The following PKP3 variants were observed in gnomAD, a reference collection of about 807,000 sequenced individuals.
PKP3 encodes the protein plakophilin 3.
Under a neutral mutation model 76.5 loss-of-function variants are expected in PKP3, and 66 were observed. The observed-to-expected ratio is 0.86, with a 90% CI of 0.71 to 1.06. The LOEUF (loss-of-function observed/expected upper bound fraction) is 1.06, where lower values mean the gene tolerates loss of function less well. Ranked by LOEUF, PKP3 falls within the 50% of genes least tolerant of loss-of-function variation. The pLI is 0.00. For synonymous variants in PKP3, 638 were observed against 516.5 expected, an observed-to-expected ratio of 1.24 and a Z score of -3.19; for missense variants, 1,338 against 1,141.0, an observed-to-expected ratio of 1.17 and a Z score of -2.49.
Position 396,830 on chromosome 11 carries a change from C to T in PKP3, c.329C>T (p.Ala110Val), listed in dbSNP as rs1271166520. The T allele has an allele frequency of 6.3e-7, 1 of 1,591,390 alleles. No individual in the cohort carries two copies. Among genetic ancestry groups the T allele is most frequent in the Admixed American group, 1.7e-5 (1 of 58,696 alleles). Residue 110 changes from alanine to valine, a missense_variant, in exon 3 of 13, where the codon GCC becomes GTC. Ala to Val is a moderately conservative substitution (Grantham distance 64). Transcript: ENST00000331563. ...GDKTSGFRPI[A>V]KPAYSPASWS... The stretch of plus-strand genomic sequence containing the variant: ...GACCCACAGGGCTTCCGGCCCATCG[C>T]CAAGCCGGCCTACAGCCCAGCCTCC...
At position 400,365 on chromosome 11, in the gene PKP3, C is replaced by T. The variant is rs990860292; in HGVS notation, c.1480C>T (p.Gln494Ter). 5 of 1,549,578 alleles carry T rather than the reference C, an allele frequency of 3.2e-6. No homozygotes were observed. The highest frequency in any genetic ancestry group is 3.5e-6 in the Non-Finnish European group (4 of 1,146,560). Residue 494 changes from glutamine (Q) to a stop codon, truncating the protein, a stop_gained, in exon 7 of 13, where the codon CAG becomes TAG. Coordinates refer to ENST00000331563, the MANE Select transcript of PKP3 (RefSeq NM_007183.4). LOFTEE classifies it high-confidence loss of function. Reference sequence around the variant, plus strand: ...CAGCTCAGCCTCTCAGGCCACTCGCCAGAAGATGCGGGAGTGCCACGGGCT... The same window carrying T: ...CAGCTCAGCCTCTCAGGCCACTCGCTAGAAGATGCGGGAGTGCCACGGGCT... ...NLSSASQATR[Q>*]KMRECHGLVD...
chr11:399,159 G>A lies in PKP3; in HGVS notation c.1236G>A (p.Leu412=). ...GGATCTTCGAGCTGCTGCGGACACT[G>A]CGGGAGCAGGATGATGAGCTTCGCA... ...ENGIFELLRT[L]REQDDELRKN... The change falls in exon 5 of 13, where the codon CTG becomes CTA. Residue 412 remains leucine (L), a synonymous_variant. Transcript: ENST00000331563. 6.2e-7 allele frequency: 1 copy of A among 1,609,088 alleles called. No homozygotes were observed. Among genetic ancestry groups the A allele is most frequent in the Non-Finnish European group, 8.5e-7 (1 of 1,177,940 alleles).
At chr11:395,969 C>T (rs1282327632) in intron 1 of PKP3, among the ~76,000 whole-genome samples, 1 of 152,176 alleles carries the variant, frequency 6.6e-6, no homozygotes, top group Non-Finnish European at 1.5e-5. Flanking sequence ...CATCCTCCTC[C>T]TGCCTGTCCC....
chr11:397,468 G>C, intron 3 of PKP3, 23 bp downstream of exon 3: 1 of 1,611,920 alleles, frequency 6.2e-7, no homozygotes, highest in Non-Finnish European at 8.5e-7. Flanking sequence ...GCCCGGCTCA[G>C]GGAGGGGGCT....
intron 6 of PKP3, 91 bp downstream of exon 6, chr11:400,232 C>G: frequency 7.1e-7 from 1 of 1,407,862 alleles, no homozygotes; most frequent in Non-Finnish European, 9.6e-7. Flanking sequence ...CCACACACCG[C>G]ACGCCTCGCG....
In PKP3 at chr11:394,219, C is replaced by T; in HGVS notation, c.-74C>T. On this transcript the variant is annotated 5_prime_UTR_variant, in exon 1 of 13. Transcript: ENST00000331563. ...CTGGGCGGGGACTTCAGGGAGAGGG[C>T]CTCGAGGGACAGGACGTGAAGATAG... 3 of 1,405,644 alleles carry T rather than the reference C, an allele frequency of 2.1e-6. No homozygotes were observed. The highest frequency in any genetic ancestry group is 2.8e-6 in the Non-Finnish European group (3 of 1,084,028). The allele number at this position is 1,405,644 out of a possible 1,614,324, so 87.1% of individuals were successfully genotyped here. A position where few individuals can be genotyped will look rare whatever the true frequency, so the allele number is the denominator to read the frequency against.
rs1200846802 is a variant in PKP3, at chr11:403,714, T to C, written c.2020T>C (p.Ser674Pro). The C allele has an allele frequency of 5.0e-6, 8 of 1,610,084 alleles. No individual in the cohort carries two copies. The highest frequency in any genetic ancestry group is 1.1e-5 in the South Asian group (1 of 91,082). The change falls in exon 10 of 13, where the codon TCA becomes CCA. Residue 674 changes from serine to proline, a missense_variant. By Grantham distance (74) the Ser-to-Pro change is moderately conservative. Coordinates refer to ENST00000331563, the MANE Select transcript of PKP3 (RefSeq NM_007183.4). ...GACCGCCGACCACCACCAGCTGCGCTCACTGACTGGCCTCATCCGAAACCT... is the reference window on the plus strand; with the variant it reads ...GACCGCCGACCACCACCAGCTGCGCCCACTGACTGGCCTCATCCGAAACCT... ...VRTADHHQLR[S>P]LTGLIRNLSR...
rs376449355 is a variant in PKP3 at position 396,829 on chromosome 11, G to A, written c.328G>A (p.Ala110Thr). The A allele has an allele frequency of 3.9e-5, 62 of 1,589,182 alleles. No homozygotes were observed. The highest frequency in any genetic ancestry group is 6.8e-5 in the Admixed American group (4 of 58,508). ...CGACCCACAGGGCTTCCGGCCCATC[G>A]CCAAGCCGGCCTACAGCCCAGCCTC... ...GDKTSGFRPIAKPAYSPASWS... is the reference protein window; with the variant it reads ...GDKTSGFRPITKPAYSPASWS... The change falls in exon 3 of 13, where the codon GCC (alanine) becomes ACC (threonine). Residue 110 changes from alanine to threonine, a missense_variant. Coordinates refer to ENST00000331563, the MANE Select transcript of PKP3 (RefSeq NM_007183.4).
chr11:393,452 G>A (rs1847002027), upstream of PKP3: 1 of 152,134 alleles, frequency 6.6e-6, no homozygotes, highest in African/African-American at 2.4e-5. Context: ...CCCAGGGCCT[G>A]GGGTGCAGGA....
At position 399,106 on chromosome 11, in the gene PKP3, A is replaced by G; in HGVS notation, c.1183A>G (p.Asn395Asp). 1 of 1,612,016 alleles carries G rather than the reference A, an allele frequency of 6.2e-7. No homozygotes were observed. ...CAACCTCATCTACGACAACGCTGAC[A>G]ACAAGCTGGCCCTGGTGGAGGAGAA... The part of the protein sequence containing the change: ...MRNLIYDNAD[N>D]KLALVEENGI... Residue 395 changes from asparagine (N) to aspartate (D), a missense_variant, in exon 5 of 13, where the codon AAC (asparagine) becomes GAC (aspartate). Coordinates refer to ENST00000331563, the MANE Select transcript of PKP3 (RefSeq NM_007183.4).
rs1023914954 is a variant in PKP3 at position 400,642 on chromosome 11, G to A, written c.1674G>A (p.Leu558=). 3.1e-5 allele frequency: 43 copies of A among 1,375,448 alleles called. No individual in the cohort carries two copies. In the African/African-American group the frequency reaches 5.9e-4, roughly 19 times the overall value. 85.2% of individuals were successfully genotyped at this position (1,375,448 alleles called of 1,614,324 possible). Residue 558 remains leucine, a synonymous_variant, in exon 8 of 13, where the codon CTG becomes CTA. Transcript: ENST00000331563. ...QRLEGRGRRD[L]AGAPPGEVVG... ...TGGAGGGTCGCGGCCGCAGGGACCT[G>A]GCGGGGGCGCCGCCGGGAGAGGTCG...
rs566793159 is a variant in PKP3, at chr11:404,475, C to T, written c.2359-59C>T. Reference sequence around the variant, plus strand: ...ACCCAGCACACTGCAGGAGGGACAGCGGGCAGAGGGCCACATGGGCAGACA... The same window carrying T: ...ACCCAGCACACTGCAGGAGGGACAGTGGGCAGAGGGCCACATGGGCAGACA... On this transcript the variant is annotated intron_variant, in intron 12 of 12. Coordinates refer to ENST00000331563, the MANE Select transcript of PKP3 (RefSeq NM_007183.4). The surrounding 1 kb of genome is among the most constrained non-coding windows in gnomAD (Gnocchi z 4.2). 8.3e-6 allele frequency: 13 copies of T among 1,571,672 alleles called. No homozygotes were observed. Among genetic ancestry groups the T allele is most frequent in the South Asian group, 6.6e-5 (6 of 90,244 alleles).
In PKP3 at chr11:398,816, G is replaced by T. The variant is rs35926436; in HGVS notation, c.1069-176G>T. ...CCCCGCACACACCTGCGTCACCTCC[G>T]TACCCCCGCACACACCTCCGTCACC... On this transcript the variant is annotated intron_variant, in intron 4 of 12. Transcript: ENST00000331563. 5.2e-3 allele frequency among the ~76,000 whole-genome samples: 324 copies of T among 62,144 alleles called. 1 individual carries two copies. Among genetic ancestry groups the T allele is most frequent in the Middle Eastern group, 0.011 (1 of 88 alleles). The allele number at this position is 62,144 out of a possible 152,430, so 40.8% of individuals were successfully genotyped here.
Position 404,762 on chromosome 11 carries a change from C to T in PKP3, c.*193C>T, listed in dbSNP as rs938749724. 30 of 597,772 alleles carry T rather than the reference C, an allele frequency of 5.0e-5. No individual in the cohort carries two copies. Among genetic ancestry groups the T allele is most frequent in the South Asian group, 2.4e-4 (12 of 50,930 alleles). 37.0% of individuals were successfully genotyped at this position (597,772 alleles called of 1,614,324 possible). On this transcript the variant is annotated 3_prime_UTR_variant, in exon 13 of 13. Transcript: ENST00000331563. The surrounding 1 kb of genome is among the most constrained non-coding windows in gnomAD (Gnocchi z 4.2). ...GTCTTATAGCTGGGGACTTGGCTTC[C>T]GCAGGGCAGGGGGTGGGGCAGGGCT...
chr11:398,816 G>GTACCCCCGCACACACCTGCGTCACCTCCC (rs1847097659), intron 4 of PKP3, among the ~76,000 whole-genome samples, 176 bp from the exon 5 acceptor site: 1 of 62,102 alleles, frequency 1.6e-5, no homozygotes, highest in Non-Finnish European at 3.2e-5. Flanking sequence ...CGTCACCTCC[G>GTACCCCCGCACACACCTGCGTCACCTCCC]TACCCCCGCA....
intron 4 of PKP3, 149 bp downstream of exon 4, chr11:397,811 G>A: frequency 1.4e-6 from 1 of 731,720 alleles, no homozygotes; most frequent in Non-Finnish European, 2.2e-6. Context: ...CCTCAGCAGA[G>A]GAAGAGCAGA....
rs915699557 is a variant in PKP3 at position 403,345 on chromosome 11, G to A, written c.1923+82G>A. 6.1e-6 allele frequency: 7 copies of A among 1,156,522 alleles called. No individual in the cohort carries two copies. The African/African-American group carries it at 1.1e-4, about 18-fold the overall frequency. 71.6% of individuals were successfully genotyped at this position (1,156,522 alleles called of 1,614,324 possible). On this transcript the variant is annotated intron_variant, in intron 9 of 12. Coordinates refer to ENST00000331563, the MANE Select transcript of PKP3 (RefSeq NM_007183.4). Reference sequence around the variant, plus strand: ...GGACAGAGGAGGGAGAGGGAGGGGAGGAGGAAGGGGACGCCCAGGGTCCGC... The same window carrying A: ...GGACAGAGGAGGGAGAGGGAGGGGAAGAGGAAGGGGACGCCCAGGGTCCGC...
rs1422276613 is a variant in PKP3 at position 394,308 on chromosome 11, T to G, written c.16T>G (p.Phe6Val). The G allele has an allele frequency of 1.3e-6, 2 of 1,514,106 alleles. No individual in the cohort carries two copies. Among genetic ancestry groups the G allele is most frequent in the Non-Finnish European group, 1.8e-6 (2 of 1,137,814 alleles). The allele number at this position is 1,514,106 out of a possible 1,614,324, so 93.8% of individuals were successfully genotyped here. Residue 6 changes from phenylalanine to valine, a missense_variant, in exon 1 of 13, where the codon TTC (phenylalanine) becomes GTC (valine). Phe to Val is a conservative substitution (Grantham distance 50, BLOSUM62 -1). Coordinates refer to ENST00000331563, the MANE Select transcript of PKP3 (RefSeq NM_007183.4). The stretch of plus-strand genomic sequence containing the variant: ...ACCTGCCGCCATGCAGGACGGTAAC[T>G]TCCTGCTGTCGGCCCTGCAGCCTGA... MQDGN[F>V]LLSALQPEAG...
chr11:397,765 A>G, intron 4 of PKP3, 103 bp downstream of exon 4: 1 of 1,197,094 alleles, frequency 8.4e-7, no homozygotes, highest in South Asian at 1.4e-5. Context: ...CATGATCCCC[A>G]AGCTGACTGG....
Sources: allele counts gnomAD v4.1 joint callset (sites outside exome capture counted in the v4.1 genomes callset), GRCh38; gene constraint gnomAD v4.1.1; non-coding constraint Gnocchi (gnomAD v3.1); transcripts MANE v1.5; gene names NCBI Gene and HGNC (gene_info 2026-07-23, HGNC 2026-07-21).